The following SPOCK1 variants were observed in gnomAD, a reference collection of about 807,000 sequenced individuals.
SPOCK1 encodes SPARC (osteonectin), cwcv and kazal like domains proteoglycan 1.
SPOCK1 carries 23 observed loss-of-function variants against 55.3 expected under a neutral mutation model. The ratio of observed to expected loss-of-function variants is 0.42; its 90% confidence interval spans 0.30 to 0.59. The LOEUF is 0.59. Among genes scored for constraint, SPOCK1 ranks in the 20% least tolerant of loss-of-function variants. SPOCK1 has a pLI of 0.22. For missense variants in SPOCK1, 499 were observed against 552.5 expected (o/e 0.90, Z 0.97); for synonymous variants, 226 against 221.0 (o/e 1.02, Z -0.20).
At chr5:137,450,230 G>C (rs1433212331) in intron 2 of SPOCK1, among the ~76,000 whole-genome samples, 1 of 152,104 alleles carries the variant, frequency 6.6e-6, no homozygotes, top group Admixed American at 6.5e-5. Context: ...AACCATCAGA[G>C]GACTTGTGTC....
At chr5:137,415,240 C>T (rs1015912602) in intron 2 of SPOCK1, among the ~76,000 whole-genome samples, 3 of 152,126 alleles carry the variant, frequency 2.0e-5, no homozygotes, top group East Asian at 1.9e-4. Flanking sequence ...TTTGAGATTC[C>T]GATCACAAAA....
chr5:137,331,207 C>A (rs948079612), intron 2 of SPOCK1, among the ~76,000 whole-genome samples: 1 of 152,180 alleles, frequency 6.6e-6, no homozygotes, highest in Non-Finnish European at 1.5e-5. Flanking sequence ...ATGTAACTGG[C>A]AAGGCTGCAG....
intron 2 of SPOCK1, among the ~76,000 whole-genome samples, chr5:137,451,668 T>C (rs1335389115): frequency 2.0e-5 from 3 of 152,166 alleles, no homozygotes; most frequent in Non-Finnish European, 4.4e-5. Context: ...AAAAAATGGA[T>C]TTAGCCCATT....
intron 2 of SPOCK1, among the ~76,000 whole-genome samples, chr5:137,375,695 T>C (rs192717648): frequency 1.2e-4 from 18 of 152,362 alleles, no homozygotes; most frequent in Non-Finnish European, 2.5e-4. Context: ...AGAGCAATTG[T>C]GTCTCCTCCT....
intron 3 of SPOCK1, among the ~76,000 whole-genome samples, chr5:137,231,616 C>T (rs933373042): frequency 6.6e-6 from 1 of 152,234 alleles, no homozygotes; most frequent in African/African-American, 2.4e-5. Context: ...GGATATGCTA[C>T]AGCTGGTTTA....
intron 2 of SPOCK1, among the ~76,000 whole-genome samples, chr5:137,464,224 C>T (rs976677577): frequency 5.9e-5 from 9 of 152,072 alleles, no homozygotes; most frequent in African/African-American, 2.2e-4. Flanking sequence ...ATCACTTGAG[C>T]CCAGGAGGTT....
intron 2 of SPOCK1, among the ~76,000 whole-genome samples, chr5:137,474,799 A>T (rs1023585460): frequency 6.6e-6 from 1 of 152,232 alleles, no homozygotes; most frequent in East Asian, 1.9e-4. Context: ...CCAGGAGTCC[A>T]CAGTGTTACT....
intron 5 of SPOCK1, among the ~76,000 whole-genome samples, chr5:137,074,659 G>A (rs957084201): frequency 6.6e-6 from 1 of 151,948 alleles, no homozygotes; most frequent in African/African-American, 2.4e-5. Context: ...TGGGATTACA[G>A]GCACCTGCCA....
intron 7 of SPOCK1, among the ~76,000 whole-genome samples, chr5:136,990,670 GA>G (rs1561572811): frequency 5.3e-5 from 8 of 151,560 alleles, no homozygotes; most frequent in Non-Finnish European, 1.2e-4. Flanking sequence ...CTGAATGAGA[GA>G]TAATTTACTT....
intron 3 of SPOCK1, among the ~76,000 whole-genome samples, chr5:137,145,710 C>T (rs1327272444): frequency 1.3e-5 from 2 of 152,186 alleles, no homozygotes; most frequent in African/African-American, 2.4e-5. Flanking sequence ...ACATAGGAGA[C>T]AGGTGAGACA....
intron 10 of SPOCK1, 125 bp from the exon 11 acceptor site, chr5:136,978,969 C>G: frequency 9.7e-7 from 1 of 1,029,190 alleles, no homozygotes. Flanking sequence ...AGAAACATCC[C>G]TGCCCCACTG....
intron 6 of SPOCK1, among the ~76,000 whole-genome samples, chr5:137,034,290 A>T (rs1311006193): frequency 6.6e-6 from 1 of 152,188 alleles, no homozygotes; most frequent in Non-Finnish European, 1.5e-5. Flanking sequence ...TACAGTGCCG[A>T]GGGGAAATCT....
At chr5:137,191,948 G>T (rs368276787) in intron 3 of SPOCK1, among the ~76,000 whole-genome samples, 1 of 151,992 alleles carries the variant, frequency 6.6e-6, no homozygotes, top group Non-Finnish European at 1.5e-5. Context: ...GCGGCCAGGC[G>T]CAGTGGCCGG....
At chr5:137,112,862 G>A (rs530776477) in intron 4 of SPOCK1, among the ~76,000 whole-genome samples, 4 of 141,920 alleles carry the variant, frequency 2.8e-5, no homozygotes, top group East Asian at 4.2e-4. Flanking sequence ...GAAAAAAAAC[G>A]GTGAGGGAAT....
chr5:137,126,426 C>T (rs2905972), intron 4 of SPOCK1, among the ~76,000 whole-genome samples: 136,559 of 152,292 alleles, frequency 0.9, 61,296 homozygotes, highest in African/African-American at 0.93. Context: ...TAGCAAAGGC[C>T]ATTCTGATGA....
chr5:137,230,806 T>G (rs1756038474), intron 3 of SPOCK1, among the ~76,000 whole-genome samples: 1 of 152,168 alleles, frequency 6.6e-6, no homozygotes, highest in Non-Finnish European at 1.5e-5. Context: ...GACATTCCAT[T>G]TTCCTTTACC....
chr5:136,982,421 T>C (rs1339372705), intron 9 of SPOCK1, among the ~76,000 whole-genome samples: 2 of 152,220 alleles, frequency 1.3e-5, no homozygotes, highest in East Asian at 1.9e-4. Context: ...ATTACAGATA[T>C]TGTGATTACA....
chr5:136,989,999 C>G (rs908181102), intron 7 of SPOCK1, among the ~76,000 whole-genome samples: 2 of 152,112 alleles, frequency 1.3e-5, no homozygotes, highest in African/African-American at 4.8e-5. Flanking sequence ...CAAGCTCTGC[C>G]TCCCGGGTTC....
intron 6 of SPOCK1, among the ~76,000 whole-genome samples, chr5:137,015,157 G>A (rs2126976739): frequency 6.6e-6 from 1 of 152,162 alleles, no homozygotes; most frequent in East Asian, 1.9e-4. Flanking sequence ...AAAGAACAGA[G>A]CAGGCCAGGC....
Sources: gnomAD v4.1 joint callset for allele counts (sites outside exome capture counted in the v4.1 genomes callset) on GRCh38, gnomAD v4.1.1 for gene constraint, MANE v1.5 for transcripts, NCBI Gene and HGNC (gene_info 2026-07-23, HGNC 2026-07-21) for gene names.